The following C5orf58 variants were observed in gnomAD, a reference collection of about 807,000 sequenced individuals.
The protein encoded by C5orf58 is putative uncharacterized protein C5orf58.
Under a neutral mutation model 2.9 loss-of-function variants are expected in C5orf58, and 2 were observed. The ratio of observed to expected loss-of-function variants is 0.69; its 90% CI spans 0.28 to 2.18. The LOEUF (loss-of-function observed/expected upper bound fraction) is 2.18, where lower values mean the gene tolerates loss of function less well. Ranked by LOEUF, C5orf58 falls within the 30% of genes most tolerant of loss-of-function variation. C5orf58 has a pLI of 0.13. For missense variants in C5orf58, 96 were observed against 91.7 expected (o/e 1.05, Z -0.19); for synonymous variants, 37 against 33.4 (o/e 1.11, Z -0.37).
At position 170,246,039 on chromosome 5, in the gene C5orf58, G is replaced by A. The variant is rs1761271050; in HGVS notation, c.172G>A (p.Glu58Lys). 6.2e-7 allele frequency: 1 copy of A among 1,613,420 alleles called. No homozygotes were observed. The highest frequency in any genetic ancestry group is 8.5e-7 in the Non-Finnish European group (1 of 1,179,564). ...CAAGACTGAGAACTTAGCAGAAGCA[G>A]AAAGAAACAACCCCCTCTTTGAAGA... is the stretch of plus-strand genomic sequence containing the variant. ...PIKTENLAEA[E>K]RNNPLFEESK... The change falls in exon 4 of 4, where the codon GAA (glutamate) becomes AAA (lysine). Residue 58 changes from glutamate to lysine, a missense_variant. Physicochemically the swap from Glu to Lys is moderately conservative, Grantham distance 56 (BLOSUM62 1). Transcript: ENST00000593851.
intron 3 of C5orf58, among the ~76,000 whole-genome samples, chr5:170,243,690 T>G (rs1761121329): frequency 6.7e-6 from 1 of 149,844 alleles, no homozygotes; most frequent in Non-Finnish European, 1.5e-5. Context: ...GTGAGATGGG[T>G]TTCCTGAATA....
In C5orf58 at chr5:170,246,113, A is replaced by C; in HGVS notation, c.246A>C (p.Ter82CysextTer12). The change falls in exon 4 of 4, where the codon TGA (stop) becomes TGC (cysteine). Residue 82 changes from the stop codon to cysteine, a stop_lost. Transcript: ENST00000593851. ...TTGTTTCTAACAGTTTTTCTATCTG[A>C]TTTCTTATTTGTTATGAGTTTCTGT... ...VSLVSNSFSI* is the reference protein window; with the variant it reads ...VSLVSNSFSIC 6.2e-7 allele frequency: 1 copy of C among 1,606,248 alleles called. No individual in the cohort carries two copies. The highest frequency in any genetic ancestry group is 8.5e-7 in the Non-Finnish European group (1 of 1,176,100).
intron 3 of C5orf58, among the ~76,000 whole-genome samples, chr5:170,244,733 C>T (rs1183901875): frequency 1.3e-5 from 2 of 152,080 alleles, no homozygotes; most frequent in East Asian, 1.9e-4. Context: ...AATGTCCTCC[C>T]GTTAGCTCAG....
At chr5:170,251,262 C>A in intron 2 of C5orf58, 2 of 200,816 alleles carry the variant, frequency 1.0e-5, no homozygotes, top group Admixed American at 5.4e-5. Context: ...CCTAGTATTC[C>A]TGTGAGTTAA....
chr5:170,245,775 A>G (rs1230569776), intron 3 of C5orf58, among the ~76,000 whole-genome samples, 187 bp from the exon 4 acceptor site: 1 of 152,214 alleles, frequency 6.6e-6, no homozygotes, highest in Non-Finnish European at 1.5e-5. Flanking sequence ...AGCTGTTCCT[A>G]TTCAGCCATC....
chr5:170,240,656 C>T (rs1201583724), intron 3 of C5orf58, among the ~76,000 whole-genome samples: 1 of 151,432 alleles, frequency 6.6e-6, no homozygotes, highest in Admixed American at 6.6e-5. Context: ...TTTGAGTTCA[C>T]TGTAGATTCT....
At position 170,246,187 on chromosome 5, in the gene C5orf58, GTA is replaced by G; in HGVS notation, c.*83_*84del. 1.7e-6 allele frequency: 2 copies of G among 1,167,770 alleles called. No homozygotes were observed. The highest frequency in any genetic ancestry group is 2.4e-6 in the Non-Finnish European group (2 of 837,114). The allele number at this position is 1,167,770 out of a possible 1,614,324, so 72.3% of individuals were successfully genotyped here. On this transcript the variant is annotated 3_prime_UTR_variant, in exon 4 of 4. Transcript: ENST00000593851. Reference sequence around the variant, plus strand: ...TTGGGAGAGTTGAGTTTACTAATTTGTATATATATAATTTAAAACAAAATAAA... The same window carrying G: ...TTGGGAGAGTTGAGTTTACTAATTTGTATATATAATTTAAAACAAAATAAA...
chr5:170,244,299 G>A (rs1387481044), intron 3 of C5orf58, among the ~76,000 whole-genome samples: 1 of 150,212 alleles, frequency 6.7e-6, no homozygotes, highest in Admixed American at 6.6e-5. Context: ...GGCGTTCTCT[G>A]TATTTCCTGA....
At chr5:170,250,713 A>T, downstream of C5orf58, 1 of 1,610,020 alleles carries the variant, frequency 6.2e-7, no homozygotes, top group South Asian at 1.1e-5. Flanking sequence ...GAAAATGTCG[A>T]AATTTGAAAT....
At chr5:170,250,678 A>C, downstream of C5orf58, 1 of 1,433,582 alleles carries the variant, frequency 7.0e-7, no homozygotes, top group Admixed American at 1.7e-5. Context: ...GAAGGCATGC[A>C]GAGTGGCATA....
Position 170,246,167 on chromosome 5 carries a change from AGAGTT to A in C5orf58, c.*60_*64del. The A allele has an allele frequency of 2.8e-6, 4 of 1,445,968 alleles. No homozygotes were observed. The highest frequency in any genetic ancestry group is 3.8e-6 in the Non-Finnish European group (4 of 1,054,660). 89.6% of individuals were successfully genotyped at this position (1,445,968 alleles called of 1,614,324 possible). A position where few individuals can be genotyped will look rare whatever the true frequency, so the allele number is the denominator to read the frequency against. ...ATTGTTGAACTAACAAATATTTGGG[AGAGTT>A]GAGTTTACTAATTTGTATATATATA... On this transcript the variant is annotated 3_prime_UTR_variant, in exon 4 of 4. Coordinates refer to ENST00000593851, the MANE Select transcript of C5orf58 (RefSeq NM_001102609.3).
At chr5:170,245,834 C>G in intron 3 of C5orf58, 128 bp from the exon 4 acceptor site, 1 of 909,276 alleles carries the variant, frequency 1.1e-6, no homozygotes, top group Non-Finnish European at 1.7e-6. Context: ...ATGGGACACA[C>G]TTAAGTTGTG....
At chr5:170,241,737 A>G (rs1761018034) in intron 3 of C5orf58, among the ~76,000 whole-genome samples, 1 of 143,878 alleles carries the variant, frequency 7.0e-6, no homozygotes, top group Non-Finnish European at 1.5e-5. Context: ...GGACAATTTG[A>G]CTTCCTCTTT....
chr5:170,249,357 C>CAT (rs1554139295), downstream of C5orf58, among the ~76,000 whole-genome samples: 6 of 104,558 alleles, frequency 5.7e-5, no homozygotes, highest in Non-Finnish European at 1.0e-4. Context: ...TATGTGCATG[C>CAT]GTGTGTATAT....
chr5:170,248,469 G>GT, downstream of C5orf58: 1 of 429,262 alleles, frequency 2.3e-6, no homozygotes, highest in Admixed American at 4.4e-5. Flanking sequence ...TAGACTTCAA[G>GT]TGTGAACATG....
chr5:170,241,927 C>T (rs1761028826), intron 3 of C5orf58, among the ~76,000 whole-genome samples: 1 of 151,432 alleles, frequency 6.6e-6, no homozygotes, highest in African/African-American at 2.4e-5. Flanking sequence ...TCATAGATAG[C>T]TCTTATTATT....
At chr5:170,247,657 C>T (rs1320262340), downstream of C5orf58, 2 of 152,142 alleles carry the variant, frequency 1.3e-5, no homozygotes. Flanking sequence ...AGTTTAATTA[C>T]CTCAAAGCAC....
At chr5:170,247,114 C>A (rs150085004), downstream of C5orf58, 14 of 152,294 alleles carry the variant, frequency 9.2e-5, no homozygotes, top group African/African-American at 3.4e-4. Flanking sequence ...GATACTAGAA[C>A]CTATGGTGTA....
chr5:170,246,281 C>T (rs1436717125), downstream of C5orf58: 23 of 559,830 alleles, frequency 4.1e-5, no homozygotes, highest in Middle Eastern at 4.9e-4. Flanking sequence ...GCTTAACTTA[C>T]GTCACTAATG....
Sources: gnomAD v4.1 joint callset for allele counts (sites outside exome capture counted in the v4.1 genomes callset) on GRCh38, gnomAD v4.1.1 for gene constraint, MANE v1.5 for transcripts, NCBI Gene and HGNC (gene_info 2026-07-23, HGNC 2026-07-21) for gene names.